THRAP3: variants seen among roughly 807,000 people sequenced by gnomAD.
THRAP3 encodes thyroid hormone receptor associated protein 3, also known as thyroid hormone receptor-associated protein 3.
In THRAP3, 16 loss-of-function variants were observed where a neutral mutation model predicts 101.0. The ratio of observed to expected loss-of-function variants is 0.16; its 90% CI spans 0.11 to 0.24. The LOEUF is 0.24. THRAP3 is among the 10% of genes least tolerant of loss of function. The pLI is 1.00. For missense variants in THRAP3, 989 were observed against 1,202.7 expected (o/e 0.82, Z 2.63); for synonymous variants, 407 against 422.6 (o/e 0.96, Z 0.45).
intron 1 of THRAP3, among the ~76,000 whole-genome samples, chr1:36,240,218 G>T (rs1393129882): frequency 1.3e-5 from 2 of 152,176 alleles, no homozygotes; most frequent in South Asian, 2.1e-4. Context: ...GCAAGCTGGG[G>T]AAAGAGAGAA....
At chr1:36,296,449 C>A in intron 8 of THRAP3, 134 bp from the exon 9 acceptor site, 1 of 673,102 alleles carries the variant, frequency 1.5e-6, no homozygotes, top group South Asian at 2.2e-5. Flanking sequence ...CCCTTCCAAG[C>A]TTGGGTGAGA....
At chr1:36,223,593 C>G (rs939182387), upstream of THRAP3, among the ~76,000 whole-genome samples, 2 of 152,192 alleles carry the variant, frequency 1.3e-5, no homozygotes, top group African/African-American at 4.8e-5. Context: ...CCGGAGGAAA[C>G]CAGCCTGTGC....
Position 36,253,789 on chromosome 1 carries a change from A to G in THRAP3, c.-134-5593A>G, listed in dbSNP as rs559684348. Among the ~76,000 whole-genome samples, 17 of 17,520 alleles carry G rather than the reference A, an allele frequency of 9.7e-4. No individual in the cohort carries two copies. In the South Asian group the frequency reaches 0.025, roughly 26 times the overall value. The allele number at this position is 17,520 out of a possible 152,430, so 11.5% of individuals were successfully genotyped here. On this transcript the variant is annotated intron_variant, in intron 1 of 11. Transcript: ENST00000354618. ...TTTTTTTTTTTTTTTTAGTTTTTGT[A>G]GAGACGGATCTTGCTGTGTTCACTA...
chr1:36,282,789 G>T (rs1645751076), intron 3 of THRAP3, 89 bp downstream of exon 3: 20 of 1,473,480 alleles, frequency 1.4e-5, no homozygotes, highest in Non-Finnish European at 1.9e-5. Flanking sequence ...TTTCCTGTGA[G>T]TGTCAAATGG....
chr1:36,238,835 C>T (rs549734518), intron 1 of THRAP3, among the ~76,000 whole-genome samples: 23 of 152,158 alleles, frequency 1.5e-4, no homozygotes, highest in African/African-American at 5.1e-4. Flanking sequence ...CTGAGAGGAT[C>T]GAGTGATCCT....
At chr1:36,248,447 CTTT>C (rs35044035) in intron 1 of THRAP3, among the ~76,000 whole-genome samples, 16 of 112,260 alleles carry the variant, frequency 1.4e-4, no homozygotes, top group Non-Finnish European at 1.9e-4. Flanking sequence ...GCCTCAGCCT[CTTT>C]TTTTTTTTTT....
intron 2 of THRAP3, among the ~76,000 whole-genome samples, chr1:36,269,581 AT>A (rs1480772328): frequency 6.6e-6 from 1 of 152,108 alleles, no homozygotes; most frequent in Non-Finnish European, 1.5e-5. Flanking sequence ...TTTTAGATGT[AT>A]TTGCAGAGCA....
chr1:36,295,235 A>G lies in THRAP3; in HGVS notation c.2115+1300A>G, dbSNP rs199820700. On this transcript the variant is annotated intron_variant, in intron 8 of 11. Transcript: ENST00000354618. ...TGAAACTCTGTCTCAAAAAAAAAAA[A>G]GGAAAAAAAAAAAAAAGAATAAACC... 3.8e-3 allele frequency among the ~76,000 whole-genome samples: 490 copies of G among 128,260 alleles called. 1 individual carries two copies. Among genetic ancestry groups the G allele is most frequent in the African/African-American group, 0.011 (387 of 34,470 alleles). The allele number at this position is 128,260 out of a possible 152,430, so 84.1% of individuals were successfully genotyped here. A position where few individuals can be genotyped will look rare whatever the true frequency, so the allele number is the denominator to read the frequency against.
intron 1 of THRAP3, among the ~76,000 whole-genome samples, chr1:36,246,813 G>C (rs970430735): frequency 2.0e-5 from 3 of 151,842 alleles, no homozygotes; most frequent in Non-Finnish European, 4.4e-5. Flanking sequence ...CTGCACTCCA[G>C]CCTGGGCGAC....
intron 1 of THRAP3, among the ~76,000 whole-genome samples, chr1:36,250,092 CA>C: frequency 6.6e-6 from 1 of 152,012 alleles, no homozygotes; most frequent in South Asian, 2.1e-4. Flanking sequence ...AAAATTTTTA[CA>C]AAATTCGGCA....
chr1:36,281,686 C>T (rs1456799165), intron 2 of THRAP3, among the ~76,000 whole-genome samples: 1 of 151,658 alleles, frequency 6.6e-6, no homozygotes, highest in Non-Finnish European at 1.5e-5. Flanking sequence ...AGGCTGGTCT[C>T]AAAATCCTGG....
At chr1:36,293,568 A>T (rs1368038172) in intron 7 of THRAP3, among the ~76,000 whole-genome samples, 1 of 151,262 alleles carries the variant, frequency 6.6e-6, no homozygotes, top group African/African-American at 2.4e-5. Context: ...GGGTGAGTCC[A>T]TCTTTCTGTG....
Position 36,259,426 on chromosome 1 carries a change from G to A in THRAP3, c.-90G>A, listed in dbSNP as rs1304335666. On this transcript the variant is annotated 5_prime_UTR_variant, in exon 2 of 12. Transcript: ENST00000354618. ...AAGTGAAGAAGCCAGTGGTGCTGCG[G>A]GTGTTCTTTTGGGGTAGTGTCTGGG... 1.8e-5 allele frequency: 7 copies of A among 398,514 alleles called. No individual in the cohort carries two copies. Among genetic ancestry groups the A allele is most frequent in the Admixed American group, 4.4e-5 (1 of 22,682 alleles). 24.7% of individuals were successfully genotyped at this position (398,514 alleles called of 1,614,324 possible). A position where few individuals can be genotyped will look rare whatever the true frequency, so the allele number is the denominator to read the frequency against.
At chr1:36,214,858 C>CA in the THRAP3 span, among the ~76,000 whole-genome samples, 323 of 137,596 alleles carry the variant, frequency 2.3e-3, 3 homozygotes, top group Middle Eastern at 4.0e-3. Context: ...AACTCTGTCT[C>CA]AAAAAAAAAA....
At chr1:36,256,101 C>T (rs1291416051) in intron 1 of THRAP3, among the ~76,000 whole-genome samples, 2 of 151,928 alleles carry the variant, frequency 1.3e-5, no homozygotes, top group Non-Finnish European at 2.9e-5. Flanking sequence ...ATTGCAGCCT[C>T]TGTCTCTTGG....
chr1:36,208,039 C>T, the THRAP3 span, among the ~76,000 whole-genome samples: 3 of 152,274 alleles, frequency 2.0e-5, no homozygotes, highest in East Asian at 1.9e-4. Flanking sequence ...GTGAGCCACC[C>T]GCCTCAGCCT....
chr1:36,266,316 A>T (rs987191525), intron 2 of THRAP3, among the ~76,000 whole-genome samples: 1 of 152,126 alleles, frequency 6.6e-6, no homozygotes, highest in Admixed American at 6.6e-5. Flanking sequence ...ACAGAGCCAG[A>T]CTCTGTCTCA....
intron 1 of THRAP3, among the ~76,000 whole-genome samples, chr1:36,244,561 T>G (rs1645208484): frequency 1.3e-5 from 2 of 152,222 alleles, no homozygotes; most frequent in Admixed American, 1.3e-4. Flanking sequence ...TTGATTCCTT[T>G]CCTCTTCGTC....
chr1:36,294,928 A>T (rs893817842), intron 8 of THRAP3, among the ~76,000 whole-genome samples: 1 of 152,208 alleles, frequency 6.6e-6, no homozygotes, highest in African/African-American at 2.4e-5. Context: ...AAATTAAGTG[A>T]TAAAACAATA....
Sources: gnomAD v4.1 joint callset for allele counts (sites outside exome capture counted in the v4.1 genomes callset) on GRCh38, gnomAD v4.1.1 for gene constraint, MANE v1.5 for transcripts, NCBI Gene and HGNC (gene_info 2026-07-23, HGNC 2026-07-21) for gene names.